SDK1: variants seen among roughly 807,000 people sequenced by gnomAD.
The protein encoded by SDK1 is protein sidekick-1.
A neutral mutation model predicts 245.5 loss-of-function variants in SDK1; 157 were observed. That is an observed-to-expected ratio of 0.64 (90% CI 0.56 to 0.73). The LOEUF is 0.73. SDK1 is among the 30% of genes least tolerant of loss of function. The pLI, the probability that SDK1 is intolerant of heterozygous loss-of-function variation, is 0.00. For synonymous variants in SDK1, 1,647 were observed against 1,278.5 expected (o/e 1.29, Z -6.15); for missense variants, 3,583 against 3,002.3 (o/e 1.19, Z -4.52).
chr7:3,655,481 A>ATGTATG lies in SDK1; in HGVS notation c.713+13377_713+13378insGTATGT, dbSNP rs1243455419. The stretch of plus-strand genomic sequence containing the variant: ...TATATATATATATATATATATATAT[A>ATGTATG]TATATATATATATATATATATATGT... On this transcript the variant is annotated intron_variant, in intron 4 of 44. Transcript: ENST00000404826. Among the ~76,000 whole-genome samples, 30 of 76,280 alleles carry ATGTATG rather than the reference A, an allele frequency of 3.9e-4. 1 individual carries two copies. Among genetic ancestry groups the ATGTATG allele is most frequent in the African/African-American group, 1.3e-3 (27 of 21,542 alleles). 50.0% of individuals were successfully genotyped at this position (76,280 alleles called of 152,430 possible).
intron 1 of SDK1, among the ~76,000 whole-genome samples, chr7:3,457,443 C>G (rs1780706701): frequency 6.6e-6 from 1 of 152,132 alleles, no homozygotes; most frequent in African/African-American, 2.4e-5. Context: ...CTCCCTTTAC[C>G]TTCCCACTGT....
chr7:4,142,770 A>C (rs1779664796), intron 28 of SDK1, among the ~76,000 whole-genome samples: 1 of 152,156 alleles, frequency 6.6e-6, no homozygotes, highest in Non-Finnish European at 1.5e-5. Context: ...GCTGCTTTGC[A>C]CTCTTTACCT....
At chr7:3,744,441 T>C (rs1779560209) in intron 4 of SDK1, among the ~76,000 whole-genome samples, 1 of 151,932 alleles carries the variant, frequency 6.6e-6, no homozygotes, top group Non-Finnish European at 1.5e-5. Context: ...GTAAATCCGA[T>C]CAATGAATTC....
chr7:4,089,109 C>T (rs6961288), intron 22 of SDK1, among the ~76,000 whole-genome samples: 2 of 140,762 alleles, frequency 1.4e-5, no homozygotes, highest in African/African-American at 3.0e-5. Flanking sequence ...CTCTCTCAGG[C>T]GGAGGTGAGA....
chr7:3,863,166 C>T (rs920482265), intron 5 of SDK1, among the ~76,000 whole-genome samples: 10 of 152,148 alleles, frequency 6.6e-5, no homozygotes, highest in Non-Finnish European at 1.3e-4. Flanking sequence ...ACTTCTGTTC[C>T]AGGCTGGATT....
chr7:3,882,040 G>T (rs1781220810), intron 5 of SDK1, among the ~76,000 whole-genome samples: 1 of 152,184 alleles, frequency 6.6e-6, no homozygotes, highest in African/African-American at 2.4e-5. Context: ...TCACAATCAT[G>T]GCGGAAGGCA....
intron 1 of SDK1, among the ~76,000 whole-genome samples, chr7:3,352,101 A>G (rs989929951): frequency 6.7e-6 from 1 of 150,098 alleles, no homozygotes; most frequent in African/African-American, 2.4e-5. Flanking sequence ...ATTAAGAAGT[A>G]TATTTCTTAT....
At position 3,363,797 on chromosome 7, in the gene SDK1, T is replaced by G. The variant is rs192565865; in HGVS notation, c.298+61913T>G. On this transcript the variant is annotated intron_variant, in intron 1 of 44. Coordinates refer to ENST00000404826, the MANE Select transcript of SDK1 (RefSeq NM_152744.4). ...AATGCTCCTTCGTCCACTGCTCCCC[T>G]CCTGCTGTGCAGCCTGGTTCCTAAC... 1.2e-3 allele frequency among the ~76,000 whole-genome samples: 176 copies of G among 152,338 alleles called. 5 individuals carry two copies. The East Asian group carries it at 0.031, about 27-fold the overall frequency.
chr7:3,771,192 C>T (rs1348355371), intron 4 of SDK1, among the ~76,000 whole-genome samples: 5 of 152,066 alleles, frequency 3.3e-5, no homozygotes, highest in Admixed American at 1.3e-4. Flanking sequence ...GTCTCTGATT[C>T]TTCAGCAAGC....
intron 4 of SDK1, among the ~76,000 whole-genome samples, chr7:3,652,318 G>A (rs989836092): frequency 1.3e-5 from 2 of 152,178 alleles, no homozygotes; most frequent in African/African-American, 4.8e-5. Flanking sequence ...AGAGCCAGGA[G>A]AGAGTGAGGA....
At chr7:3,883,638 G>C (rs1326574112) in intron 5 of SDK1, among the ~76,000 whole-genome samples, 1 of 152,226 alleles carries the variant, frequency 6.6e-6, no homozygotes, top group Admixed American at 6.5e-5. Flanking sequence ...AATCAAAACT[G>C]TGCCATGAAG....
At chr7:4,172,086 A>G (rs631405) in intron 32 of SDK1, among the ~76,000 whole-genome samples, 96,645 of 152,044 alleles carry the variant, frequency 0.64, 31,168 homozygotes, top group East Asian at 0.76. Flanking sequence ...GCAAAGACCC[A>G]GCAAGGCCAC....
At chr7:3,779,880 C>T (rs1431079565) in intron 4 of SDK1, among the ~76,000 whole-genome samples, 3 of 146,092 alleles carry the variant, frequency 2.1e-5, no homozygotes, top group Non-Finnish European at 3.0e-5. Context: ...TGCAGTGAGC[C>T]GAGATTGCAC....
chr7:3,321,194 CA>C (rs2128547230), intron 1 of SDK1, among the ~76,000 whole-genome samples: 1 of 152,238 alleles, frequency 6.6e-6, no homozygotes, highest in South Asian at 2.1e-4. Context: ...AATTCACAAG[CA>C]AGATGATACT....
intron 38 of SDK1, among the ~76,000 whole-genome samples, chr7:4,216,810 C>T (rs1784822513): frequency 6.6e-6 from 1 of 152,180 alleles, no homozygotes; most frequent in Non-Finnish European, 1.5e-5. Context: ...GAGGGTACAG[C>T]ATTTACCCGG....
chr7:3,734,729 G>A (rs924219744), intron 4 of SDK1, among the ~76,000 whole-genome samples: 1 of 152,208 alleles, frequency 6.6e-6, no homozygotes, highest in Non-Finnish European at 1.5e-5. Flanking sequence ...AATGAGTGCC[G>A]CTCAAGTGTA....
At chr7:3,716,647 C>G (rs998619287) in intron 4 of SDK1, among the ~76,000 whole-genome samples, 9 of 151,820 alleles carry the variant, frequency 5.9e-5, no homozygotes, top group African/African-American at 2.2e-4. Flanking sequence ...GTAGTCCCAG[C>G]TACTCAGGAG....
At chr7:4,080,378 G>C (rs1037672243) in intron 22 of SDK1, among the ~76,000 whole-genome samples, 1 of 152,124 alleles carries the variant, frequency 6.6e-6, no homozygotes, top group African/African-American at 2.4e-5. Context: ...ATAAAAGCAG[G>C]AGGAAAAAGA....
intron 1 of SDK1, among the ~76,000 whole-genome samples, chr7:3,410,546 G>GCAT (rs1222240028): frequency 6.8e-6 from 1 of 147,262 alleles, no homozygotes; most frequent in African/African-American, 2.5e-5. Flanking sequence ...GCCAAAGGTT[G>GCAT]CATAACTCAT....
Sources: allele counts gnomAD v4.1 joint callset (sites outside exome capture counted in the v4.1 genomes callset), GRCh38; gene constraint gnomAD v4.1.1; transcripts MANE v1.5; gene names NCBI Gene and HGNC (gene_info 2026-07-23, HGNC 2026-07-21).